CYP7B1: variants seen among roughly 807,000 people sequenced by gnomAD.
CYP7B1 encodes the protein cytochrome P450 7B1.
Under a neutral mutation model 42.7 loss-of-function variants are expected in CYP7B1, and 29 were observed. The observed-to-expected ratio is 0.68, with a 90% CI of 0.51 to 0.93. The LOEUF is 0.93. Ranked by LOEUF, CYP7B1 falls within the 40% of genes least tolerant of loss-of-function variation. The pLI, the probability that CYP7B1 is intolerant of heterozygous loss-of-function variation, is 0.00. For synonymous variants in CYP7B1, 235 were observed against 218.2 expected, an observed-to-expected ratio of 1.08 and a Z score of -0.68; for missense variants, 655 against 600.5, an observed-to-expected ratio of 1.09 and a Z score of -0.95.
chr8:64,657,399 A>AC (rs1806136445), intron 1 of CYP7B1, among the ~76,000 whole-genome samples: 3 of 152,092 alleles, frequency 2.0e-5, no homozygotes, highest in Non-Finnish European at 2.9e-5. Flanking sequence ...CCTCTTCAAC[A>AC]TCCCCAGGAG....
chr8:64,620,550 A>C (rs760875137), intron 2 of CYP7B1, among the ~76,000 whole-genome samples: 2 of 152,216 alleles, frequency 1.3e-5, no homozygotes, highest in Non-Finnish European at 2.9e-5. Context: ...TTCTTTATTA[A>C]GATGACATCC....
chr8:64,675,065 A>G (rs1343600661), intron 1 of CYP7B1, among the ~76,000 whole-genome samples: 2 of 152,136 alleles, frequency 1.3e-5, no homozygotes, highest in African/African-American at 2.4e-5. Context: ...GTTTCTTTAC[A>G]TGAACATGGT....
chr8:64,600,282 C>T (rs1267926154), intron 5 of CYP7B1, among the ~76,000 whole-genome samples: 1 of 152,034 alleles, frequency 6.6e-6, no homozygotes, highest in Non-Finnish European at 1.5e-5. Flanking sequence ...TGCATAACAC[C>T]CTAATTTGTG....
At chr8:64,602,023 T>G (rs1189689995) in intron 5 of CYP7B1, among the ~76,000 whole-genome samples, 1 of 152,196 alleles carries the variant, frequency 6.6e-6, no homozygotes, top group Non-Finnish European at 1.5e-5. Flanking sequence ...ATATTTTCAC[T>G]CTCAGTACAT....
intron 1 of CYP7B1, among the ~76,000 whole-genome samples, chr8:64,631,616 A>T (rs924861149): frequency 3.9e-5 from 6 of 152,192 alleles, no homozygotes; most frequent in Non-Finnish European, 7.4e-5. Context: ...GAAACAACTG[A>T]CAGAGTCAAA....
chr8:64,651,872 T>C (rs1585833264), intron 1 of CYP7B1, among the ~76,000 whole-genome samples: 1 of 152,228 alleles, frequency 6.6e-6, no homozygotes, highest in South Asian at 2.1e-4. Context: ...GCTGTTATAA[T>C]AGCCTGAATG....
Position 64,784,829 on chromosome 8 carries a change from A to T in CYP7B1, c.122+13637T>A, listed in dbSNP as rs528082847. Among the ~76,000 whole-genome samples the T allele has an allele frequency of 4.6e-5, 7 of 152,342 alleles. No homozygotes were observed. The South Asian group carries it at 1.4e-3, about 32-fold the overall frequency. On this transcript the variant is annotated intron_variant, in intron 1 of 5. Coordinates refer to ENST00000310193, the MANE Select transcript of CYP7B1 (RefSeq NM_004820.5). ...CGAAAAAAAGTTAAAATAATATGAC[A>T]GTGACTCCTTATATACAACATCAAA...
chr8:64,736,975 A>G (rs978093588), intron 1 of CYP7B1, among the ~76,000 whole-genome samples: 3 of 152,200 alleles, frequency 2.0e-5, no homozygotes, highest in Non-Finnish European at 2.9e-5. Context: ...TCTTGGCACA[A>G]TACCTGACTC....
intron 1 of CYP7B1, among the ~76,000 whole-genome samples, chr8:64,669,742 CACACAT>C: frequency 6.6e-6 from 1 of 151,946 alleles, no homozygotes; most frequent in African/African-American, 2.4e-5. Context: ...CACACACACA[CACACAT>C]ACACACACCC....
intron 1 of CYP7B1, among the ~76,000 whole-genome samples, chr8:64,759,774 C>G (rs1317962053): frequency 6.6e-6 from 1 of 152,128 alleles, no homozygotes; most frequent in Non-Finnish European, 1.5e-5. Flanking sequence ...AAAGATATTG[C>G]TGCTTGAAAG....
intron 1 of CYP7B1, among the ~76,000 whole-genome samples, chr8:64,786,491 T>C (rs1044157125): frequency 2.0e-5 from 3 of 152,236 alleles, no homozygotes; most frequent in Non-Finnish European, 4.4e-5. Context: ...ATAATCTCTG[T>C]TGACTCCATG....
chr8:64,628,586 T>TGCAAG (rs1229122547), intron 1 of CYP7B1, among the ~76,000 whole-genome samples: 2 of 151,960 alleles, frequency 1.3e-5, no homozygotes, highest in African/African-American at 4.8e-5. Context: ...AGGCAGAGGT[T>TGCAAG]GCAGTGAGCC....
At position 64,794,519 on chromosome 8, in the gene CYP7B1, C is replaced by T. The variant is rs1804674726; in HGVS notation, c.122+3947G>A. Among the ~76,000 whole-genome samples the T allele has an allele frequency of 5.9e-5, 9 of 152,284 alleles. No individual in the cohort carries two copies. The South Asian group carries it at 1.9e-3, about 32-fold the overall frequency. ...AAGCACATTCAGTATCTGATGAGGG[C>T]CCACTTCCTGGTTCATAAATGGCCA... On this transcript the variant is annotated intron_variant, in intron 1 of 5. Transcript: ENST00000310193.
At chr8:64,739,464 A>G (rs185723691) in intron 1 of CYP7B1, among the ~76,000 whole-genome samples, 91 of 152,320 alleles carry the variant, frequency 6.0e-4, no homozygotes, top group African/African-American at 2.2e-3. Context: ...CACTACATCA[A>G]ACATTAAACA....
intron 4 of CYP7B1, among the ~76,000 whole-genome samples, chr8:64,610,863 C>A (rs965834769): frequency 4.6e-5 from 7 of 152,094 alleles, no homozygotes; most frequent in African/African-American, 1.7e-4. Flanking sequence ...TCTGGTTCTG[C>A]CACTATCTAG....
intron 1 of CYP7B1, among the ~76,000 whole-genome samples, chr8:64,629,421 A>G (rs1805656659): frequency 6.6e-6 from 1 of 152,186 alleles, no homozygotes. Context: ...GTATTTATTA[A>G]AAGTGCTTAA....
At chr8:64,704,564 T>A (rs1289952786) in intron 1 of CYP7B1, among the ~76,000 whole-genome samples, 1 of 152,048 alleles carries the variant, frequency 6.6e-6, no homozygotes, top group African/African-American at 2.4e-5. Flanking sequence ...AGCACATTTG[T>A]TTTTTACATC....
At chr8:64,693,340 C>T (rs1453451670) in intron 1 of CYP7B1, among the ~76,000 whole-genome samples, 1 of 152,112 alleles carries the variant, frequency 6.6e-6, no homozygotes, top group African/African-American at 2.4e-5. Flanking sequence ...TATGTGTGCA[C>T]ATATGTGCAT....
rs112584344 is a variant in CYP7B1 at position 64,650,517 on chromosome 8, A to G, written c.123-25978T>C. Among the ~76,000 whole-genome samples, 480 of 152,156 alleles carry G rather than the reference A, an allele frequency of 3.2e-3. 8 individuals are homozygous for G. Among genetic ancestry groups the G allele is most frequent in the African/African-American group, 0.011 (468 of 41,514 alleles). ...ACAAAAATTAGCTGGGCATGGTGGC[A>G]TGCACCTGTAGTCCCAGCTACTTAG... On this transcript the variant is annotated intron_variant, in intron 1 of 5. Coordinates refer to ENST00000310193, the MANE Select transcript of CYP7B1 (RefSeq NM_004820.5).
Sources: gnomAD v4.1 joint callset for allele counts (sites outside exome capture counted in the v4.1 genomes callset) on GRCh38, gnomAD v4.1.1 for gene constraint, MANE v1.5 for transcripts, NCBI Gene and HGNC (gene_info 2026-07-23, HGNC 2026-07-21) for gene names.